The following WWP1 variants were observed in gnomAD, a reference collection of about 807,000 sequenced individuals.
WWP1 encodes NEDD4-like E3 ubiquitin-protein ligase WWP1.
WWP1 carries 49 observed loss-of-function variants against 130.6 expected under a neutral mutation model. The observed-to-expected ratio is 0.38, with a 90% CI of 0.30 to 0.48. The LOEUF (loss-of-function observed/expected upper bound fraction) is 0.48. WWP1 is among the 20% of genes least tolerant of loss of function. The pLI, the probability that WWP1 is intolerant of heterozygous loss-of-function variation, is 0.99. For synonymous variants in WWP1, 332 were observed against 367.8 expected (o/e 0.90, Z 1.11); for missense variants, 809 against 1,100.6 (o/e 0.74, Z 3.75).
rs1216341498 is a variant in WWP1, at chr8:86,452,602, A to T, written c.2317A>T (p.Thr773Ser). Residue 773 changes from threonine to serine, a missense_variant, in exon 21 of 25, where the codon ACC becomes TCC. Physicochemically the swap from Thr to Ser is moderately conservative, Grantham distance 58. Coordinates refer to ENST00000517970, the MANE Select transcript of WWP1 (RefSeq NM_007013.4). ...TTTTTCTCGAGGAGTACAAGAACAG[A>T]CCAAAGCTTTCCTTGATGGTTTTAA... Reference protein sequence around the residue: ...WRFSRGVQEQTKAFLDGFNEV... With the variant: ...WRFSRGVQEQSKAFLDGFNEV... 3 of 1,613,072 alleles carry T rather than the reference A, an allele frequency of 1.9e-6. No homozygotes were observed.
chr8:86,360,849 G>A (rs1180632881), intron 1 of WWP1, among the ~76,000 whole-genome samples: 2 of 152,186 alleles, frequency 1.3e-5, no homozygotes, highest in African/African-American at 2.4e-5. Flanking sequence ...GGCCTATGGT[G>A]ATCAGGAATT....
At chr8:86,451,603 C>CT (rs1295150359) in intron 20 of WWP1, among the ~76,000 whole-genome samples, 1 of 152,060 alleles carries the variant, frequency 6.6e-6, no homozygotes, top group Non-Finnish European at 1.5e-5. Flanking sequence ...GGATACGGGA[C>CT]AAAGAGGGTT....
At chr8:86,458,128 A>G (rs1811558336) in intron 22 of WWP1, 103 bp downstream of exon 22, 2 of 911,898 alleles carry the variant, frequency 2.2e-6, no homozygotes, top group East Asian at 2.7e-5. Context: ...CTGCTTTTGG[A>G]CACAGTTTAT....
chr8:86,460,846 G>A (rs1457597429), intron 22 of WWP1, among the ~76,000 whole-genome samples: 4 of 112,918 alleles, frequency 3.5e-5, no homozygotes, highest in African/African-American at 1.3e-4. Context: ...GTCTTGCTCT[G>A]TCGCCCAGGC....
chr8:86,421,474 TA>T (rs1397883490), intron 9 of WWP1, among the ~76,000 whole-genome samples: 3 of 141,644 alleles, frequency 2.1e-5, no homozygotes, highest in Non-Finnish European at 4.6e-5. Context: ...GCACTCTTAA[TA>T]AAAAAATAAA....
chr8:86,393,015 T>C (rs965419438), intron 5 of WWP1, among the ~76,000 whole-genome samples: 5 of 152,142 alleles, frequency 3.3e-5, no homozygotes, highest in Non-Finnish European at 7.4e-5. Flanking sequence ...AAATGAGAAG[T>C]TTTATTATCA....
chr8:86,443,531 A>C (rs1810702877), intron 18 of WWP1, among the ~76,000 whole-genome samples: 1 of 152,172 alleles, frequency 6.6e-6, no homozygotes, highest in Non-Finnish European at 1.5e-5. Flanking sequence ...ATTATCTATT[A>C]ATTCATTCAG....
chr8:86,374,757 T>C (rs1824533406), intron 3 of WWP1, among the ~76,000 whole-genome samples: 1 of 152,132 alleles, frequency 6.6e-6, no homozygotes. Flanking sequence ...TCTCCCTGGC[T>C]GGAGTACGGT....
chr8:86,458,951 GTAAA>G (rs1435025081), intron 22 of WWP1, among the ~76,000 whole-genome samples: 1 of 149,730 alleles, frequency 6.7e-6, no homozygotes, highest in African/African-American at 2.4e-5. Flanking sequence ...AGAGTACTGA[GTAAA>G]TAAACTATGA....
At chr8:86,395,753 A>G (rs560693989) in intron 5 of WWP1, among the ~76,000 whole-genome samples, 20 of 152,398 alleles carry the variant, frequency 1.3e-4, no homozygotes, top group African/African-American at 4.8e-4. Flanking sequence ...TTAGAATTGC[A>G]GAATTAGTAA....
chr8:86,417,342 T>G (rs189642923), intron 9 of WWP1: 1 of 152,292 alleles, frequency 6.6e-6, no homozygotes, highest in East Asian at 1.9e-4. Context: ...ATATTTACCG[T>G]CTGGCTCTTT....
intron 1 of WWP1, among the ~76,000 whole-genome samples, chr8:86,365,326 C>A (rs1823910295): frequency 6.6e-6 from 1 of 152,052 alleles, no homozygotes; most frequent in African/African-American, 2.4e-5. Context: ...ACTAAAAATA[C>A]AGAAAGATGG....
At chr8:86,381,691 C>T in intron 5 of WWP1, 62 bp downstream of exon 5, 1 of 1,421,094 alleles carries the variant, frequency 7.0e-7, no homozygotes, top group Non-Finnish European at 9.3e-7. Flanking sequence ...TTGAACATAT[C>T]CTGAATCCTA....
chr8:86,386,859 T>A (rs1454268255), intron 5 of WWP1: 1 of 152,190 alleles, frequency 6.6e-6, no homozygotes, highest in Non-Finnish European at 1.5e-5. Flanking sequence ...AAGTCCAAGA[T>A]CAAGATGCCA....
chr8:86,458,578 G>A (rs933018243), intron 22 of WWP1, among the ~76,000 whole-genome samples: 2 of 152,114 alleles, frequency 1.3e-5, no homozygotes, highest in Admixed American at 6.5e-5. Context: ...TTTGTTTTGT[G>A]TGTTTATTAG....
At chr8:86,374,199 A>C in intron 3 of WWP1, 79 bp downstream of exon 3, 1 of 1,202,858 alleles carries the variant, frequency 8.3e-7, no homozygotes, top group Non-Finnish European at 1.2e-6. Context: ...GACTTATTCC[A>C]GAAATAGAAT....
At chr8:86,433,430 C>G (rs1810105309) in intron 14 of WWP1, among the ~76,000 whole-genome samples, 1 of 151,866 alleles carries the variant, frequency 6.6e-6, no homozygotes, top group Admixed American at 6.6e-5. Flanking sequence ...AACCTGCTCT[C>G]TGGCCAGGCA....
At chr8:86,344,817 G>A (rs1441664128) in intron 1 of WWP1, among the ~76,000 whole-genome samples, 1 of 152,108 alleles carries the variant, frequency 6.6e-6, no homozygotes, top group Non-Finnish European at 1.5e-5. Flanking sequence ...ATGTTTGGGT[G>A]GAACATAAAC....
intron 18 of WWP1, 145 bp from the exon 19 acceptor site, chr8:86,448,000 TATA>T: frequency 3.1e-6 from 2 of 645,914 alleles, no homozygotes; most frequent in Non-Finnish European, 4.9e-6. Flanking sequence ...TAGCATTTTA[TATA>T]ATATTTTAGT....
Sources: allele counts gnomAD v4.1 joint callset (sites outside exome capture counted in the v4.1 genomes callset), GRCh38; gene constraint gnomAD v4.1.1; transcripts MANE v1.5; gene names NCBI Gene and HGNC (gene_info 2026-07-23, HGNC 2026-07-21).